Variants in NCKAP5 observed in about 807,000 individuals in gnomAD.
NCKAP5 encodes the protein nck-associated protein 5.
NCKAP5 carries 92 observed loss-of-function variants against 167.0 expected under a neutral mutation model. The ratio of observed to expected loss-of-function variants is 0.55; its 90% CI spans 0.47 to 0.66. The LOEUF is 0.66. Among genes scored for constraint, NCKAP5 ranks in the 30% least tolerant of loss-of-function variants. The probability of loss-of-function intolerance (pLI) is 0.00; values close to 1 mark genes in which losing one functional copy is unlikely to be tolerated. For synonymous variants in NCKAP5, 891 were observed against 877.4 expected (o/e 1.02, Z -0.27); for missense variants, 2,378 against 2,315.0 (o/e 1.03, Z -0.56).
rs75594028 is a variant in NCKAP5 at position 133,033,013 on chromosome 2, A to T, written c.342-38774T>A. ...ATCACTTCCCACCAGCTCCTCCCAC[A>T]ACATTGGCAATTACGATTAGATATG... is the stretch of plus-strand genomic sequence containing the variant. On this transcript the variant is annotated intron_variant, in intron 6 of 19. Transcript: ENST00000409261. Among the ~76,000 whole-genome samples the T allele has an allele frequency of 1.5e-4, 23 of 152,330 alleles. No homozygotes were observed. In the East Asian group the frequency reaches 4.4e-3, roughly 29 times the overall value.
chr2:133,371,472 G>A (rs1055852572), intron 3 of NCKAP5, among the ~76,000 whole-genome samples: 2 of 152,218 alleles, frequency 1.3e-5, no homozygotes, highest in East Asian at 1.9e-4. Flanking sequence ...CATGGTTTTC[G>A]GATGGCACCC....
chr2:133,588,126 G>A, the NCKAP5 span, among the ~76,000 whole-genome samples: 1 of 152,152 alleles, frequency 6.6e-6, no homozygotes, highest in African/African-American at 2.4e-5. Context: ...ACACATGTGA[G>A]TCAACTATGT....
intron 3 of NCKAP5, among the ~76,000 whole-genome samples, chr2:133,464,431 C>G (rs1362576984): frequency 1.7e-5 from 1 of 59,164 alleles, no homozygotes; most frequent in Non-Finnish European, 3.1e-5. Flanking sequence ...TGGCTCACAC[C>G]TGTAATCCCA....
chr2:132,713,205 T>C (rs1400038257), intron 19 of NCKAP5, among the ~76,000 whole-genome samples: 1 of 151,346 alleles, frequency 6.6e-6, no homozygotes, highest in Non-Finnish European at 1.5e-5. Flanking sequence ...GACACAGAGA[T>C]GGAGGAGAGA....
intron 4 of NCKAP5, among the ~76,000 whole-genome samples, chr2:133,284,003 G>C (rs1335601390): frequency 6.6e-6 from 1 of 152,056 alleles, no homozygotes; most frequent in African/African-American, 2.4e-5. Context: ...GCAGACTCAA[G>C]AACTTGTAGA....
chr2:133,627,587 A>G, the NCKAP5 span, among the ~76,000 whole-genome samples: 1 of 152,196 alleles, frequency 6.6e-6, no homozygotes, highest in African/African-American at 2.4e-5. Context: ...CCAGCTGGAC[A>G]GCACGGCGAA....
chr2:133,053,264 C>T (rs1241769318), intron 6 of NCKAP5, among the ~76,000 whole-genome samples: 1 of 152,198 alleles, frequency 6.6e-6, no homozygotes, highest in Non-Finnish European at 1.5e-5. Flanking sequence ...ATTAGAATAA[C>T]ACTGTCCAGA....
intron 5 of NCKAP5, among the ~76,000 whole-genome samples, chr2:133,137,664 C>G (rs17792473): frequency 0.21 from 31,900 of 151,874 alleles, 3,505 homozygotes; most frequent in African/African-American, 0.24. Context: ...TTATATATGT[C>G]CTTATTATTT....
chr2:133,129,654 C>T (rs1464594867), intron 6 of NCKAP5, among the ~76,000 whole-genome samples: 1 of 152,044 alleles, frequency 6.6e-6, no homozygotes, highest in Non-Finnish European at 1.5e-5. Context: ...AGTTCTAGAT[C>T]CCTGAGGAAT....
intron 4 of NCKAP5, among the ~76,000 whole-genome samples, chr2:133,256,050 T>G (rs781221202): frequency 2.0e-5 from 3 of 152,172 alleles, no homozygotes; most frequent in Non-Finnish European, 4.4e-5. Flanking sequence ...GATGGTTAAT[T>G]AAACCCGAAA....
At chr2:133,386,098 T>A (rs928959373) in intron 3 of NCKAP5, among the ~76,000 whole-genome samples, 1 of 152,198 alleles carries the variant, frequency 6.6e-6, no homozygotes, top group African/African-American at 2.4e-5. Flanking sequence ...AGCTTTTGAA[T>A]GTGTTTGCTC....
At chr2:133,468,933 C>G (rs1429406672) in intron 3 of NCKAP5, among the ~76,000 whole-genome samples, 1 of 152,156 alleles carries the variant, frequency 6.6e-6, no homozygotes, top group Admixed American at 6.5e-5. Context: ...TTCCTGAATA[C>G]AGCACACTGA....
Position 133,263,633 on chromosome 2 carries a change from T to C in NCKAP5, c.143+39404A>G, listed in dbSNP as rs183500917. ...ATGAATGATATTCACAACTACCAAG[T>C]CAGAAGGGCTGCCCTCCATGTTCAA... On this transcript the variant is annotated intron_variant, in intron 4 of 19. Coordinates refer to ENST00000409261, the MANE Select transcript of NCKAP5 (RefSeq NM_207363.3). Among the ~76,000 whole-genome samples, 42 of 152,174 alleles carry C rather than the reference T, an allele frequency of 2.8e-4. No individual in the cohort carries two copies. In the East Asian group the frequency reaches 7.6e-3, roughly 27 times the overall value.
chr2:133,220,865 T>C (rs891107999), intron 4 of NCKAP5, among the ~76,000 whole-genome samples: 2 of 152,134 alleles, frequency 1.3e-5, no homozygotes, highest in Admixed American at 1.3e-4. Flanking sequence ...GCCCAGGACT[T>C]ATACCCAACC....
At chr2:133,378,339 C>T (rs1237603264) in intron 3 of NCKAP5, among the ~76,000 whole-genome samples, 2 of 152,084 alleles carry the variant, frequency 1.3e-5, no homozygotes, top group African/African-American at 2.4e-5. Flanking sequence ...CTGAAAAAAA[C>T]GTATATATGA....
At chr2:132,697,833 T>C (rs1687493833) in intron 19 of NCKAP5, among the ~76,000 whole-genome samples, 1 of 152,210 alleles carries the variant, frequency 6.6e-6, no homozygotes, top group Admixed American at 6.5e-5. Context: ...GTTTTCAAAT[T>C]AGTTGTTAGG....
chr2:133,632,161 G>C, the NCKAP5 span, among the ~76,000 whole-genome samples: 1 of 152,210 alleles, frequency 6.6e-6, no homozygotes, highest in Non-Finnish European at 1.5e-5. Flanking sequence ...GACTAGGGGA[G>C]GAATCATCAA....
At chr2:132,928,950 C>CA (rs1409880298) in intron 8 of NCKAP5, among the ~76,000 whole-genome samples, 2 of 148,108 alleles carry the variant, frequency 1.4e-5, no homozygotes, top group Admixed American at 7.0e-5. Flanking sequence ...GTGAGACCCC[C>CA]TTCTCTACCA....
intron 5 of NCKAP5, among the ~76,000 whole-genome samples, chr2:133,181,696 T>A (rs2084746125): frequency 1.3e-5 from 2 of 151,682 alleles, no homozygotes; most frequent in Non-Finnish European, 1.5e-5. Context: ...AAGGATTGCT[T>A]GACCCTCGGA....
Sources: gnomAD v4.1 joint callset for allele counts (sites outside exome capture counted in the v4.1 genomes callset) on GRCh38, gnomAD v4.1.1 for gene constraint, MANE v1.5 for transcripts, NCBI Gene and HGNC (gene_info 2026-07-23, HGNC 2026-07-21) for gene names.